The following EBF3 variants were observed in gnomAD, a reference collection of about 807,000 sequenced individuals.
EBF3 encodes transcription factor COE3.
Under a neutral mutation model 77.1 loss-of-function variants are expected in EBF3, and 18 were observed. The observed-to-expected ratio is 0.23, with a 90% CI of 0.16 to 0.35. EBF3 has a LOEUF of 0.35. Among genes scored for constraint, EBF3 ranks in the 10% least tolerant of loss-of-function variants. The probability of loss-of-function intolerance (pLI) is 1.00; values close to 1 mark genes in which losing one functional copy is unlikely to be tolerated. For synonymous variants in EBF3, 350 were observed against 343.5 expected (o/e 1.02, Z -0.21); for missense variants, 558 against 860.0 (o/e 0.65, Z 4.39).
chr10:129,898,942 G>A (rs1854587749), intron 6 of EBF3, among the ~76,000 whole-genome samples: 1 of 152,210 alleles, frequency 6.6e-6, no homozygotes, highest in Non-Finnish European at 1.5e-5. Flanking sequence ...GCAGCCTCGA[G>A]TAAGGAGAAG....
intron 6 of EBF3, among the ~76,000 whole-genome samples, chr10:129,888,505 T>C (rs889604716): frequency 8.5e-5 from 13 of 152,210 alleles, no homozygotes; most frequent in African/African-American, 1.7e-4. Context: ...TGAATGGCCA[T>C]TGTGTTTGTC....
At chr10:129,874,660 G>A (rs1303820019) in intron 7 of EBF3, among the ~76,000 whole-genome samples, 1 of 152,170 alleles carries the variant, frequency 6.6e-6, no homozygotes, top group Non-Finnish European at 1.5e-5. Flanking sequence ...CACAGTTTGG[G>A]CACACTCGGC....
At chr10:129,889,468 G>C (rs1853855887) in intron 6 of EBF3, among the ~76,000 whole-genome samples, 1 of 152,206 alleles carries the variant, frequency 6.6e-6, no homozygotes, top group African/African-American at 2.4e-5. Context: ...TGATATGTGG[G>C]CTCTGCTGCC....
intron 6 of EBF3, among the ~76,000 whole-genome samples, chr10:129,878,913 C>G (rs919006962): frequency 8.6e-5 from 13 of 150,952 alleles, no homozygotes; most frequent in Admixed American, 6.6e-4. Flanking sequence ...GAAACTGTTG[C>G]TGAGGCAGAA....
rs903748977 is a variant in EBF3 at position 129,943,620 on chromosome 10, C to T, written c.554+13638G>A. Among the ~76,000 whole-genome samples the T allele has an allele frequency of 5.3e-5, 8 of 152,190 alleles. No homozygotes were observed. The highest frequency in any genetic ancestry group is 8.8e-5 in the Non-Finnish European group (6 of 68,040). On this transcript the variant is annotated intron_variant, in intron 6 of 16. Transcript: ENST00000440978. The surrounding 1 kb of genome is among the most constrained non-coding windows in gnomAD (Gnocchi z 8.8). ...GCTTGGGAACAAGACAGGTCCCCGG[C>T]GTGCACATCCAAAGTTTGAGTGTGT...
intron 10 of EBF3, among the ~76,000 whole-genome samples, chr10:129,862,960 T>C (rs990784924): frequency 5.9e-5 from 9 of 152,208 alleles, no homozygotes; most frequent in African/African-American, 2.2e-4. Context: ...AACAAGCAAA[T>C]GGCACACTGT....
chr10:129,960,948 C>T (rs979130913), intron 4 of EBF3, among the ~76,000 whole-genome samples: 1 of 152,220 alleles, frequency 6.6e-6, no homozygotes, highest in Non-Finnish European at 1.5e-5. Flanking sequence ...GGCACACCGC[C>T]TCTGTCTTTG....
chr10:129,917,299 AT>A (rs1168732742), intron 6 of EBF3, among the ~76,000 whole-genome samples: 1 of 152,174 alleles, frequency 6.6e-6, no homozygotes, highest in African/African-American at 2.4e-5. Context: ...AACCTGGGAC[AT>A]CGCAGTTGCA....
chr10:129,940,844 C>T (rs1288415649), intron 6 of EBF3, among the ~76,000 whole-genome samples: 1 of 152,194 alleles, frequency 6.6e-6, no homozygotes, highest in Non-Finnish European at 1.5e-5. Context: ...GGAAACCTGT[C>T]ACCAGGGCTG....
intron 6 of EBF3, among the ~76,000 whole-genome samples, chr10:129,920,466 G>A (rs1470577488): frequency 1.3e-5 from 2 of 152,218 alleles, no homozygotes. Flanking sequence ...GGCGGGGGCG[G>A]CACAGCATAC....
chr10:129,843,528 T>C (rs907788925), intron 11 of EBF3, among the ~76,000 whole-genome samples: 18 of 152,248 alleles, frequency 1.2e-4, no homozygotes, highest in Non-Finnish European at 2.5e-4. Flanking sequence ...CGGAGTCTTA[T>C]GGGTATTAAA....
At chr10:129,839,818 C>T (rs1348288222) in intron 15 of EBF3, among the ~76,000 whole-genome samples, 2 of 152,124 alleles carry the variant, frequency 1.3e-5, no homozygotes, top group Non-Finnish European at 2.9e-5. Context: ...TTGTGCATAG[C>T]AGGCTGCAAG....
At position 129,864,883 on chromosome 10, in the gene EBF3, T is replaced by G. The variant is rs1220916115; in HGVS notation, c.1039+2258A>C. The stretch of plus-strand genomic sequence containing the variant: ...GAACCCAGCCGAAGTTCACCCTCAG[T>G]GACTTTCCACAGGAAGGACCATTTA... On this transcript the variant is annotated intron_variant, in intron 10 of 16. Transcript: ENST00000440978. The surrounding 1 kb of genome is among the most constrained non-coding windows in gnomAD (Gnocchi z 4.4). 6.6e-6 allele frequency among the ~76,000 whole-genome samples: 1 copy of G among 152,144 alleles called. No homozygotes were observed. Among genetic ancestry groups the G allele is most frequent in the African/African-American group, 2.4e-5 (1 of 41,438 alleles).
chr10:129,840,181 C>T, intron 15 of EBF3, 64 bp downstream of exon 15: 2 of 1,327,288 alleles, frequency 1.5e-6, no homozygotes, highest in South Asian at 1.3e-5. Context: ...AGCCCCCACC[C>T]CCACTCCCAT....
At chr10:129,875,658 G>A (rs1360209549) in intron 7 of EBF3, among the ~76,000 whole-genome samples, 1 of 152,260 alleles carries the variant, frequency 6.6e-6, no homozygotes, top group Admixed American at 6.5e-5. Flanking sequence ...AAGCCACCCA[G>A]AACCTCAAAA....
Position 129,963,955 on chromosome 10 carries a change from A to C in EBF3, c.-187T>G, listed in dbSNP as rs1859739712. ...ATACACCAGCGGCCGGGCGCTCCGGACGGCCAGGGGCGCGGAGGCGGCTCC... is the reference window on the plus strand; with the variant it reads ...ATACACCAGCGGCCGGGCGCTCCGGCCGGCCAGGGGCGCGGAGGCGGCTCC... On this transcript the variant is annotated 5_prime_UTR_variant, in exon 1 of 17. Transcript: ENST00000440978. This position sits in a 1 kb window ranked among gnomAD's most constrained non-coding sequence, Gnocchi z 7.1. 3.9e-6 allele frequency: 4 copies of C among 1,034,230 alleles called. No homozygotes were observed. The highest frequency in any genetic ancestry group is 4.6e-6 in the Non-Finnish European group (4 of 864,186). 64.1% of individuals were successfully genotyped at this position (1,034,230 alleles called of 1,614,324 possible). A position where few individuals can be genotyped will look rare whatever the true frequency, so the allele number is the denominator to read the frequency against.
Position 129,943,630 on chromosome 10 carries a change from C to G in EBF3, c.554+13628G>C, listed in dbSNP as rs545142180. ...AAGACAGGTCCCCGGCGTGCACATC[C>G]AAAGTTTGAGTGTGTGAGACTTTTC... On this transcript the variant is annotated intron_variant, in intron 6 of 16. Transcript: ENST00000440978. This position sits in a 1 kb window ranked among gnomAD's most constrained non-coding sequence, Gnocchi z 8.8. Among the ~76,000 whole-genome samples the G allele has an allele frequency of 6.6e-5, 10 of 152,280 alleles. No individual in the cohort carries two copies. The highest frequency in any genetic ancestry group is 2.0e-4 in the Admixed American group (3 of 15,294).
chr10:129,873,389 T>C (rs963394015), intron 8 of EBF3, 63 bp downstream of exon 8: 113 of 1,429,204 alleles, frequency 7.9e-5, no homozygotes, highest in Non-Finnish European at 9.9e-5. Context: ...TGAATGAACA[T>C]AAAGGATGGT....
At chr10:129,922,740 C>A (rs540510755) in intron 6 of EBF3, among the ~76,000 whole-genome samples, 4 of 152,370 alleles carry the variant, frequency 2.6e-5, no homozygotes, top group African/African-American at 9.6e-5. Flanking sequence ...GACTGCAGCC[C>A]TCCTGACCCT....
Sources: allele counts gnomAD v4.1 joint callset (sites outside exome capture counted in the v4.1 genomes callset), GRCh38; gene constraint gnomAD v4.1.1; non-coding constraint Gnocchi (gnomAD v3.1); transcripts MANE v1.5; gene names NCBI Gene and HGNC (gene_info 2026-07-23, HGNC 2026-07-21).